Variants in DMD observed in about 807,000 individuals in gnomAD.
The protein encoded by DMD is mutant dystrophin.
DMD carries 63 observed loss-of-function variants against 330.1 expected under a neutral mutation model. The ratio of observed to expected loss-of-function variants is 0.19; its 90% CI spans 0.16 to 0.24. The LOEUF (loss-of-function observed/expected upper bound fraction) is 0.24. Ranked by LOEUF, DMD falls within the 10% of genes least tolerant of loss-of-function variation. DMD has a pLI of 1.00. For missense variants in DMD, 3,344 were observed against 2,684.1 expected (o/e 1.25, Z -5.43); for synonymous variants, 1,223 against 959.8 (o/e 1.27, Z -5.07).
intron 9 of DMD, among the ~76,000 whole-genome samples, chrX:32,692,420 C>T (rs946902638): frequency 5.4e-5 from 6 of 111,460 alleles, no homozygotes; most frequent in African/African-American, 2.0e-4. Context: ...GTCTCCCTGG[C>T]TGGCTTCCCA....
intron 7 of DMD, among the ~76,000 whole-genome samples, chrX:32,772,970 T>C (rs1296422341): frequency 8.9e-6 from 1 of 112,177 alleles, no homozygotes; most frequent in East Asian, 2.8e-4. Context: ...AAGCTAATTC[T>C]GACCAATCTG....
Position 31,791,495 on chromosome X carries a change from TGATACTGGTAG to T in DMD, c.7310-17314_7310-17304del, listed in dbSNP as rs1177683964. Among the ~76,000 whole-genome samples, 85 of 111,472 alleles carry T rather than the reference TGATACTGGTAG, an allele frequency of 7.6e-4. No homozygotes were observed. The Middle Eastern group carries it at 0.014, about 18-fold the overall frequency. On this transcript the variant is annotated intron_variant, in intron 50 of 78. Transcript: ENST00000357033. ...GAGTGAATATTGCCAACATCTGTGA[TGATACTGGTAG>T]GATAGGGATGGGGGCAAAACAAAGG... is the stretch of plus-strand genomic sequence containing the variant.
chrX:32,383,776 A>G (rs1569560552), intron 33 of DMD, among the ~76,000 whole-genome samples: 1 of 110,594 alleles, frequency 9.0e-6, no homozygotes, highest in Non-Finnish European at 1.9e-5. Context: ...CATCATTACG[A>G]GAATCATTCA....
chrX:31,718,390 A>G (rs938503197), intron 52 of DMD, among the ~76,000 whole-genome samples: 1 of 111,157 alleles, frequency 9.0e-6, no homozygotes. Context: ...ACCCTTGAGA[A>G]GGCCTAGTGG....
At chrX:33,135,595 A>C (rs1033736207) in intron 1 of DMD, among the ~76,000 whole-genome samples, 34 of 111,966 alleles carry the variant, frequency 3.0e-4, no homozygotes, top group African/African-American at 1.1e-3. Context: ...GCAGCTTCCA[A>C]AACTATGTGT....
chrX:32,974,082 T>G (rs759495481), intron 2 of DMD, among the ~76,000 whole-genome samples: 1 of 111,663 alleles, frequency 9.0e-6, no homozygotes, highest in Non-Finnish European at 1.9e-5. Context: ...ATTTGGTATA[T>G]CCATACAATG....
chrX:31,552,027 G>T (rs755242645), intron 55 of DMD, among the ~76,000 whole-genome samples: 77 of 112,316 alleles, frequency 6.9e-4, no homozygotes, highest in African/African-American at 2.2e-3. Flanking sequence ...ATATGAAGGT[G>T]CCCTGGCCAC....
chrX:31,707,065 T>G (rs947358470), intron 52 of DMD, among the ~76,000 whole-genome samples: 1 of 111,164 alleles, frequency 9.0e-6, no homozygotes, highest in African/African-American at 3.3e-5. Flanking sequence ...TCGTTGTTTT[T>G]TTTTAAATCT....
chrX:33,231,152 T>C (rs1311893825), intron 1 of DMD, among the ~76,000 whole-genome samples: 1 of 111,508 alleles, frequency 9.0e-6, no homozygotes, highest in South Asian at 3.7e-4. Flanking sequence ...GACGTGCATA[T>C]GTGCGTGGAG....
chrX:32,469,268 C>A (rs373658797), intron 22 of DMD, among the ~76,000 whole-genome samples: 10 of 110,344 alleles, frequency 9.1e-5, no homozygotes, highest in East Asian at 8.6e-4. Context: ...CTGTATAACA[C>A]ATGTAATTTC....
chrX:32,378,296 T>C (rs181616229), intron 34 of DMD, among the ~76,000 whole-genome samples: 20 of 110,145 alleles, frequency 1.8e-4, no homozygotes, highest in African/African-American at 6.5e-4. Context: ...AAGAATTTTT[T>C]ATTATTTATC....
chrX:32,758,118 T>C (rs990279222), intron 7 of DMD, among the ~76,000 whole-genome samples: 2 of 112,148 alleles, frequency 1.8e-5, no homozygotes, highest in Admixed American at 1.9e-4. Context: ...TTCTTCCTTG[T>C]CTCACTTTTC....
At chrX:32,516,930 C>G (rs1382091993) in intron 18 of DMD, 1 of 111,662 alleles carries the variant, frequency 9.0e-6, no homozygotes, top group Admixed American at 9.5e-5. Flanking sequence ...TTTAAAATAG[C>G]TTTCCAATTT....
intron 44 of DMD, among the ~76,000 whole-genome samples, chrX:32,082,421 T>TATCTATC (rs1293533989): frequency 9.1e-6 from 1 of 109,427 alleles, no homozygotes; most frequent in Non-Finnish European, 1.9e-5. Flanking sequence ...TCTATCTATC[T>TATCTATC]ATCTATCTAT....
chrX:31,932,269 T>C (rs771407656), intron 45 of DMD, 42 bp from the exon 46 acceptor site: 2 of 1,073,156 alleles, frequency 1.9e-6, no homozygotes, highest in South Asian at 1.9e-5. Context: ...TTTTCCAACA[T>C]AGTTCTCAAA....
At chrX:33,254,748 C>T (rs1031623789) in intron 1 of DMD, among the ~76,000 whole-genome samples, 1 of 109,969 alleles carries the variant, frequency 9.1e-6, no homozygotes, top group Non-Finnish European at 1.9e-5. Flanking sequence ...AAAATTTGGA[C>T]AAGATTGAGG....
intron 4 of DMD, among the ~76,000 whole-genome samples, chrX:32,835,675 G>A (rs1324912889): frequency 1.8e-5 from 2 of 111,628 alleles, no homozygotes; most frequent in Non-Finnish European, 3.8e-5. Context: ...TAAACGCCAG[G>A]ACAGGGAAAG....
At chrX:32,183,513 T>G (rs1290992257) in intron 44 of DMD, among the ~76,000 whole-genome samples, 1 of 106,090 alleles carries the variant, frequency 9.4e-6, no homozygotes, top group East Asian at 2.9e-4. Context: ...GTACTGTCCT[T>G]TGACCCATTA....
intron 5 of DMD, among the ~76,000 whole-genome samples, chrX:32,822,316 C>T (rs1215195256): frequency 9.1e-6 from 1 of 110,276 alleles, no homozygotes; most frequent in Non-Finnish European, 1.9e-5. Context: ...TGGCAATATA[C>T]CAAATGCCAC....
Sources: gnomAD v4.1 joint callset for allele counts (sites outside exome capture counted in the v4.1 genomes callset) on GRCh38, gnomAD v4.1.1 for gene constraint, MANE v1.5 for transcripts, NCBI Gene and HGNC (gene_info 2026-07-23, HGNC 2026-07-21) for gene names.